The following FNDC3A variants were observed in gnomAD, a reference collection of about 807,000 sequenced individuals.
The protein encoded by FNDC3A is fibronectin type III domain containing 3A.
Under a neutral mutation model 148.9 loss-of-function variants are expected in FNDC3A, and 32 were observed. The ratio of observed to expected loss-of-function variants is 0.21; its 90% CI spans 0.16 to 0.29. The LOEUF (loss-of-function observed/expected upper bound fraction) is 0.29. Ranked by LOEUF, FNDC3A falls within the 10% of genes least tolerant of loss-of-function variation. The pLI, the probability that FNDC3A is intolerant of heterozygous loss-of-function variation, is 1.00. For synonymous variants in FNDC3A, 472 were observed against 473.6 expected (o/e 1.00, Z 0.04); for missense variants, 1,191 against 1,452.8 (o/e 0.82, Z 2.93).
At chr13:49,203,521 G>A (rs1886513291) in intron 25 of FNDC3A, among the ~76,000 whole-genome samples, 1 of 152,140 alleles carries the variant, frequency 6.6e-6, no homozygotes, top group South Asian at 2.1e-4. Context: ...TCAGGATATA[G>A]CACTGAACAA....
intron 2 of FNDC3A, among the ~76,000 whole-genome samples, chr13:49,031,721 A>T (rs565776005): frequency 6.6e-6 from 1 of 152,286 alleles, no homozygotes; most frequent in South Asian, 2.1e-4. Flanking sequence ...TGAATTATGG[A>T]ATTATTTCCT....
rs746246224 is a variant in FNDC3A at position 49,175,363 on chromosome 13, A to G, written c.1356-4A>G. 3.2e-6 allele frequency: 5 copies of G among 1,554,366 alleles called. No individual in the cohort carries two copies. Among genetic ancestry groups the G allele is most frequent in the Admixed American group, 4.0e-5 (2 of 50,488 alleles). On this transcript the variant is annotated splice_polypyrimidine_tract_variant and splice_region_variant and intron_variant, in intron 12 of 25. Coordinates refer to ENST00000492622, the MANE Select transcript of FNDC3A (RefSeq NM_001079673.2). ...ATGCCTTTTAAAACCATTTGTTTCA[A>G]CAGTGGTTTTAGTGAAGAAGTCTTA... is the stretch of plus-strand genomic sequence containing the variant.
intron 1 of FNDC3A, among the ~76,000 whole-genome samples, chr13:48,996,363 G>A (rs1291627437): frequency 1.3e-5 from 2 of 151,996 alleles, no homozygotes; most frequent in East Asian, 3.9e-4. Context: ...TCCATTTTTG[G>A]GGGTTTCACA....
chr13:49,131,122 A>G lies in FNDC3A; in HGVS notation c.253-15A>G. On this transcript the variant is annotated splice_polypyrimidine_tract_variant and intron_variant, in intron 4 of 25. Coordinates refer to ENST00000492622, the MANE Select transcript of FNDC3A (RefSeq NM_001079673.2). ...ATTCTATGGAAGAAATTTTAATCTG[A>G]TGTTCATTTTGTAGGTTATTGAAGA... The G allele has an allele frequency of 6.4e-7, 1 of 1,570,622 alleles. No individual in the cohort carries two copies. The highest frequency in any genetic ancestry group is 8.8e-7 in the Non-Finnish European group (1 of 1,140,552).
chr13:49,087,450 T>G (rs943642361), intron 3 of FNDC3A, among the ~76,000 whole-genome samples: 7 of 152,110 alleles, frequency 4.6e-5, no homozygotes, highest in African/African-American at 1.7e-4. Context: ...ATAAAATGTT[T>G]GTTTTGTGTG....
intron 3 of FNDC3A, among the ~76,000 whole-genome samples, chr13:49,106,794 CCAA>C (rs1880216666): frequency 1.8e-5 from 1 of 55,650 alleles, no homozygotes; most frequent in African/African-American, 7.2e-5. Flanking sequence ...AAAAAAAAAA[CCAA>C]CAACAACAGA....
chr13:49,184,622 C>CTTATAAA (rs1325346813), intron 14 of FNDC3A, among the ~76,000 whole-genome samples: 3 of 151,920 alleles, frequency 2.0e-5, no homozygotes, highest in African/African-American at 7.3e-5. Context: ...AGGAGGAAGC[C>CTTATAAA]CTGAGCTTAT....
intron 1 of FNDC3A, among the ~76,000 whole-genome samples, chr13:49,002,099 A>G (rs1015490121): frequency 6.6e-6 from 1 of 152,212 alleles, no homozygotes; most frequent in African/African-American, 2.4e-5. Flanking sequence ...CTTAAGGAAA[A>G]TAGAAAAGAA....
At chr13:49,053,938 G>T (rs776531762) in intron 2 of FNDC3A, among the ~76,000 whole-genome samples, 2 of 152,140 alleles carry the variant, frequency 1.3e-5, no homozygotes, top group Admixed American at 6.5e-5. Flanking sequence ...AAAATACTTT[G>T]GTTTCTTCCA....
At chr13:49,206,247 A>C (rs554082556) in intron 25 of FNDC3A, among the ~76,000 whole-genome samples, 1 of 152,322 alleles carries the variant, frequency 6.6e-6, no homozygotes, top group African/African-American at 2.4e-5. Flanking sequence ...TGTCTGTTAT[A>C]CTAAGGTAGT....
chr13:49,043,906 C>A (rs1303939115), intron 2 of FNDC3A, among the ~76,000 whole-genome samples: 1 of 152,172 alleles, frequency 6.6e-6, no homozygotes, highest in African/African-American at 2.4e-5. Context: ...ACTTGATCAT[C>A]TACATCTATG....
intron 2 of FNDC3A, among the ~76,000 whole-genome samples, chr13:49,025,779 T>C (rs1873662762): frequency 6.6e-6 from 1 of 152,128 alleles, no homozygotes; most frequent in African/African-American, 2.4e-5. Flanking sequence ...TTGTAGATGT[T>C]AAGGAACCTG....
chr13:49,128,253 GATC>G (rs945700346), intron 4 of FNDC3A, among the ~76,000 whole-genome samples: 1 of 152,104 alleles, frequency 6.6e-6, no homozygotes, highest in Non-Finnish European at 1.5e-5. Context: ...TCTTAGCTGT[GATC>G]ATCTCTTGCC....
intron 3 of FNDC3A, among the ~76,000 whole-genome samples, chr13:49,109,545 G>T (rs1438855111): frequency 3.3e-5 from 5 of 152,070 alleles, no homozygotes; most frequent in Non-Finnish European, 7.4e-5. Context: ...AGTAATGAAA[G>T]ATCTCCAAAA....
At chr13:49,194,638 T>C (rs891964776) in intron 19 of FNDC3A, among the ~76,000 whole-genome samples, 7 of 152,198 alleles carry the variant, frequency 4.6e-5, no homozygotes, top group Non-Finnish European at 7.3e-5. Context: ...CTTTAAACAT[T>C]TGATTTTTTT....
intron 1 of FNDC3A, among the ~76,000 whole-genome samples, chr13:48,978,956 TC>T (rs1356956208): frequency 6.6e-5 from 10 of 152,174 alleles, no homozygotes; most frequent in African/African-American, 2.4e-4. Context: ...AGATAATTAT[TC>T]AGTGGTCTCT....
chr13:49,070,996 T>G (rs1477218129), intron 2 of FNDC3A, among the ~76,000 whole-genome samples: 1 of 147,632 alleles, frequency 6.8e-6, no homozygotes, highest in Non-Finnish European at 1.5e-5. Flanking sequence ...CCTCCTGAGA[T>G]AAAGCAATCC....
Position 49,187,136 on chromosome 13 carries a change from A to C in FNDC3A, c.1771A>C (p.Asn591His), listed in dbSNP as rs747835439. ...FKITWDPPKD[N>H]GGATINKYVV... ...TCTTTGGATAGATCCACCAAAAGAC[A>C]ATGGCGGAGCAACCATCAATAAATA... The change falls in exon 16 of 26, where the codon AAT becomes CAT. Residue 591 changes from asparagine (N) to histidine (H), a missense_variant. Around this residue, in one of 3 missense-constraint regions of FNDC3A, gnomAD observed 751 missense variants for 944.0 expected, o/e 0.80. Coordinates refer to ENST00000492622, the MANE Select transcript of FNDC3A (RefSeq NM_001079673.2). The C allele has an allele frequency of 2.5e-6, 4 of 1,612,754 alleles. No individual in the cohort carries two copies. In the Admixed American group the frequency reaches 6.7e-5, roughly 27 times the overall value.
chr13:49,043,407 C>T (rs1160332823), intron 2 of FNDC3A, among the ~76,000 whole-genome samples: 13 of 151,952 alleles, frequency 8.6e-5, no homozygotes, highest in Admixed American at 6.6e-5. Context: ...TTTTTTTGCT[C>T]CACTTCTTTA....
Sources: gnomAD v4.1 joint callset for allele counts (sites outside exome capture counted in the v4.1 genomes callset) on GRCh38, gnomAD v4.1.1 for gene constraint, gnomAD v4.1.1 regional missense constraint, MANE v1.5 for transcripts, NCBI Gene and HGNC (gene_info 2026-07-23, HGNC 2026-07-21) for gene names.